MAML2: variants seen among roughly 807,000 people sequenced by gnomAD.
The protein encoded by MAML2 is mastermind-like protein 2.
In MAML2, 22 loss-of-function variants were observed where a neutral mutation model predicts 96.1. That is an observed-to-expected ratio of 0.23 (90% CI 0.16 to 0.33). The LOEUF (loss-of-function observed/expected upper bound fraction) is 0.33, where lower values mean the gene tolerates loss of function less well. Ranked by LOEUF, MAML2 falls within the 10% of genes least tolerant of loss-of-function variation. The pLI is 1.00. For missense variants in MAML2, 1,367 were observed against 1,392.4 expected (o/e 0.98, Z 0.29); for synonymous variants, 561 against 521.3 (o/e 1.08, Z -1.04).
intron 1 of MAML2, among the ~76,000 whole-genome samples, chr11:96,120,792 G>GGAT (rs1352804773): frequency 6.6e-6 from 1 of 152,018 alleles, no homozygotes; most frequent in Non-Finnish European, 1.5e-5. Flanking sequence ...AAGAGTCCCT[G>GGAT]GATGATGATG....
intron 1 of MAML2, among the ~76,000 whole-genome samples, chr11:96,125,224 G>C (rs778098224): frequency 3.9e-5 from 6 of 152,138 alleles, no homozygotes; most frequent in Non-Finnish European, 7.3e-5. Context: ...AGAGGGAAGA[G>C]ATAGACACTG....
At chr11:96,038,332 G>A (rs1858752106) in intron 2 of MAML2, among the ~76,000 whole-genome samples, 1 of 152,172 alleles carries the variant, frequency 6.6e-6, no homozygotes, top group Non-Finnish European at 1.5e-5. Flanking sequence ...TTTAACCACA[G>A]AACCATTTTG....
intron 1 of MAML2, among the ~76,000 whole-genome samples, chr11:96,133,274 T>C (rs1253492662): frequency 6.6e-6 from 1 of 152,232 alleles, no homozygotes; most frequent in African/African-American, 2.4e-5. Context: ...GCAACCTATA[T>C]TCTGATTTCA....
intron 2 of MAML2, among the ~76,000 whole-genome samples, chr11:96,080,145 T>G (rs570433417): frequency 1.3e-5 from 2 of 152,346 alleles, no homozygotes; most frequent in South Asian, 4.1e-4. Context: ...TCTAAATTTT[T>G]TATCTGACTA....
Position 96,341,679 on chromosome 11 carries a change from T to C in MAML2, c.217A>G (p.Thr73Ala). The change falls in exon 1 of 5, where the codon ACC (threonine) becomes GCC (alanine). Residue 73 changes from threonine to alanine, a missense_variant. Thr to Ala is a moderately conservative substitution (Grantham distance 58, BLOSUM62 0). Coordinates refer to ENST00000524717, the MANE Select transcript of MAML2 (RefSeq NM_032427.4). ...TGTACAAGGCTCAGGAGCTGCAAGG[T>C]GCTTTCTCTTTCCCGGTCTGAGCTC... ...AESSDRERES[T>A]LQLLSLVQHG... is the part of the protein sequence containing the mutation. The C allele has an allele frequency of 6.3e-7, 1 of 1,594,216 alleles. No individual in the cohort carries two copies. Among genetic ancestry groups the C allele is most frequent in the Non-Finnish European group, 8.5e-7 (1 of 1,170,256 alleles).
At chr11:96,274,861 A>C (rs1862965336) in intron 1 of MAML2, among the ~76,000 whole-genome samples, 1 of 152,310 alleles carries the variant, frequency 6.6e-6, no homozygotes, top group Admixed American at 6.5e-5. Context: ...AATACCCTAG[A>C]GATCACTACT....
At chr11:96,211,081 T>C (rs1203477727) in intron 1 of MAML2, among the ~76,000 whole-genome samples, 3 of 152,206 alleles carry the variant, frequency 2.0e-5, no homozygotes, top group Non-Finnish European at 2.9e-5. Context: ...GATTACCTTA[T>C]GTATAATGGT....
At chr11:96,132,138 T>A (rs1860557754) in intron 1 of MAML2, among the ~76,000 whole-genome samples, 1 of 152,246 alleles carries the variant, frequency 6.6e-6, no homozygotes. Context: ...CACGTACATA[T>A]TTTGTTCTCA....
intron 1 of MAML2, among the ~76,000 whole-genome samples, chr11:96,333,555 GT>G (rs1565286946): frequency 1.3e-5 from 2 of 152,104 alleles, no homozygotes; most frequent in Non-Finnish European, 2.9e-5. Flanking sequence ...TCTTCCTCAT[GT>G]TTTTTATGGA....
chr11:96,216,962 T>C (rs895858517), intron 1 of MAML2, among the ~76,000 whole-genome samples: 2 of 152,144 alleles, frequency 1.3e-5, no homozygotes, highest in African/African-American at 4.8e-5. Context: ...CAAATAGGTA[T>C]GTAAGAGGCC....
chr11:96,089,023 C>T (rs531762019), intron 2 of MAML2, among the ~76,000 whole-genome samples: 6 of 151,166 alleles, frequency 4.0e-5, no homozygotes, highest in Non-Finnish European at 8.8e-5. Context: ...CACAGTAAAT[C>T]GTCCTGTTTG....
intron 1 of MAML2, among the ~76,000 whole-genome samples, chr11:96,144,598 A>G (rs1285820125): frequency 6.6e-6 from 1 of 152,182 alleles, no homozygotes; most frequent in Admixed American, 6.5e-5. Flanking sequence ...GAGAGAGACC[A>G]CTGGGCTTAT....
intron 2 of MAML2, among the ~76,000 whole-genome samples, chr11:96,077,721 G>C (rs1427600836): frequency 6.6e-6 from 1 of 152,188 alleles, no homozygotes; most frequent in Non-Finnish European, 1.5e-5. Context: ...TCCCAGGTCT[G>C]ATGTGGAGTC....
At chr11:96,240,319 G>T (rs1210179007) in intron 1 of MAML2, among the ~76,000 whole-genome samples, 7 of 151,952 alleles carry the variant, frequency 4.6e-5, no homozygotes, top group Admixed American at 4.6e-4. Flanking sequence ...GGGAGGCCGA[G>T]GCGGGTGGAT....
At chr11:96,285,133 C>T (rs1481047435) in intron 1 of MAML2, among the ~76,000 whole-genome samples, 3 of 152,062 alleles carry the variant, frequency 2.0e-5, no homozygotes, top group Non-Finnish European at 4.4e-5. Flanking sequence ...ACCATGAAAA[C>T]CAACATTTTG....
intron 2 of MAML2, among the ~76,000 whole-genome samples, chr11:96,029,465 C>A (rs957659947): frequency 6.6e-5 from 10 of 151,990 alleles, no homozygotes; most frequent in African/African-American, 1.2e-4. Flanking sequence ...TGTGGGAGAC[C>A]AAAATTTCTC....
intron 1 of MAML2, among the ~76,000 whole-genome samples, chr11:96,169,043 G>T (rs1019541860): frequency 6.6e-6 from 1 of 152,142 alleles, no homozygotes; most frequent in Non-Finnish European, 1.5e-5. Context: ...AGGCCACTTT[G>T]CTTTTCTGGC....
chr11:96,268,951 C>A (rs1339643476), intron 1 of MAML2, among the ~76,000 whole-genome samples: 1 of 144,910 alleles, frequency 6.9e-6, no homozygotes. Flanking sequence ...ACAGTATATA[C>A]ATCAAGCAAA....
chr11:96,135,472 T>C lies in MAML2; in HGVS notation c.514-41955A>G, dbSNP rs141053480. Among the ~76,000 whole-genome samples the C allele has an allele frequency of 4.7e-3, 712 of 151,820 alleles. 4 individuals carry two copies. Among genetic ancestry groups the C allele is most frequent in the African/African-American group, 0.016 (663 of 41,438 alleles). ...ATTACACTTTTACAGAGGAAGAAGC[T>C]GATACTTAGAGATGTTAAGTTTTTA... On this transcript the variant is annotated intron_variant, in intron 1 of 4. Coordinates refer to ENST00000524717, the MANE Select transcript of MAML2 (RefSeq NM_032427.4).
Sources: allele counts gnomAD v4.1 joint callset (sites outside exome capture counted in the v4.1 genomes callset), GRCh38; gene constraint gnomAD v4.1.1; transcripts MANE v1.5; gene names NCBI Gene and HGNC (gene_info 2026-07-23, HGNC 2026-07-21).